GPC5: variants seen among roughly 807,000 people sequenced by gnomAD.
The protein encoded by GPC5 is glypican-5.
GPC5 carries 47 observed loss-of-function variants against 53.9 expected under a neutral mutation model. The observed-to-expected ratio is 0.87, with a 90% CI of 0.69 to 1.11. GPC5 has a LOEUF of 1.11. GPC5 is among the 50% of genes most tolerant of loss of function. The probability of loss-of-function intolerance (pLI) is 0.00; values close to 1 mark genes in which losing one functional copy is unlikely to be tolerated. For missense variants in GPC5, 748 were observed against 713.1 expected (o/e 1.05, Z -0.56); for synonymous variants, 286 against 263.3 (o/e 1.09, Z -0.84).
intron 5 of GPC5, among the ~76,000 whole-genome samples, chr13:91,816,634 G>A (rs1481106969): frequency 6.6e-6 from 1 of 152,060 alleles, no homozygotes; most frequent in Non-Finnish European, 1.5e-5. Context: ...AAAAACATCC[G>A]GTGCAGCAGA....
intron 7 of GPC5, among the ~76,000 whole-genome samples, chr13:92,488,098 C>T (rs543779593): frequency 1.3e-5 from 2 of 152,020 alleles, no homozygotes; most frequent in Admixed American, 1.3e-4. Flanking sequence ...AACATACATA[C>T]CCAGATACGT....
chr13:91,728,555 T>G lies in GPC5; in HGVS notation c.1044T>G (p.Pro348=). ...AGGTAAATAGGATTTGTGGCCGCCC[T>G]GTAAGAACACCCACACAAAGCCCCC... is the stretch of plus-strand genomic sequence containing the variant. The part of the protein sequence containing the change: ...LEQVNRICGR[P]VRTPTQSPRC... Residue 348 remains proline (P), a synonymous_variant, in exon 4 of 8, where the codon CCT becomes CCG. Coordinates refer to ENST00000377067, the MANE Select transcript of GPC5 (RefSeq NM_004466.6). 1 of 1,611,950 alleles carries G rather than the reference T, an allele frequency of 6.2e-7. No individual in the cohort carries two copies.
At chr13:92,033,118 G>A (rs1173701958) in intron 6 of GPC5, among the ~76,000 whole-genome samples, 1 of 149,070 alleles carries the variant, frequency 6.7e-6, no homozygotes, top group Non-Finnish European at 1.5e-5. Flanking sequence ...GCACTTTTTA[G>A]GAATGATGTA....
chr13:92,392,268 T>G (rs1186481960), intron 7 of GPC5, among the ~76,000 whole-genome samples: 1 of 152,142 alleles, frequency 6.6e-6, no homozygotes. Flanking sequence ...GTCTATAGTT[T>G]GATGATATAA....
At chr13:92,322,352 T>C (rs570664045) in intron 7 of GPC5, among the ~76,000 whole-genome samples, 3 of 146,806 alleles carry the variant, frequency 2.0e-5, no homozygotes, top group South Asian at 4.2e-4. Context: ...GAAAAAAAAA[T>C]AAAGGCAAAT....
At chr13:92,547,098 C>A (rs1288192557) in intron 7 of GPC5, among the ~76,000 whole-genome samples, 1 of 152,030 alleles carries the variant, frequency 6.6e-6, no homozygotes, top group Non-Finnish European at 1.5e-5. Flanking sequence ...GATATCTTTG[C>A]ATTATGATTC....
chr13:92,583,214 A>C (rs1215020091), intron 7 of GPC5, among the ~76,000 whole-genome samples: 1 of 152,186 alleles, frequency 6.6e-6, no homozygotes, highest in Admixed American at 6.5e-5. Context: ...AAATTTTGTC[A>C]AACACATTTT....
chr13:92,456,721 C>T (rs1050285844), intron 7 of GPC5, among the ~76,000 whole-genome samples: 4 of 152,272 alleles, frequency 2.6e-5, no homozygotes, highest in African/African-American at 9.6e-5. Flanking sequence ...TTGTCCTCCA[C>T]TCTTGAAAAT....
At chr13:92,775,286 T>A (rs1175638823) in intron 7 of GPC5, among the ~76,000 whole-genome samples, 1 of 152,158 alleles carries the variant, frequency 6.6e-6, no homozygotes, top group African/African-American at 2.4e-5. Context: ...TTTCCTCAAA[T>A]AACAAAGAGG....
At chr13:92,598,920 T>C (rs1008413761) in intron 7 of GPC5, among the ~76,000 whole-genome samples, 2 of 152,176 alleles carry the variant, frequency 1.3e-5, no homozygotes, top group African/African-American at 2.4e-5. Context: ...TGTGTGAGAC[T>C]GTCTGAAACA....
At chr13:91,913,988 T>A (rs1034303586) in intron 6 of GPC5, among the ~76,000 whole-genome samples, 1 of 152,204 alleles carries the variant, frequency 6.6e-6, no homozygotes, top group African/African-American at 2.4e-5. Context: ...GATCTTAGTA[T>A]ATCTGATTGA....
chr13:92,767,962 G>A (rs1414043572), intron 7 of GPC5, among the ~76,000 whole-genome samples: 5 of 152,092 alleles, frequency 3.3e-5, no homozygotes, highest in Non-Finnish European at 5.9e-5. Context: ...CCAAAATTGT[G>A]CCTGACTAGA....
chr13:92,049,696 C>T (rs967287960), intron 6 of GPC5, among the ~76,000 whole-genome samples: 6 of 151,980 alleles, frequency 3.9e-5, no homozygotes, highest in Non-Finnish European at 7.4e-5. Context: ...TGTCTCTGCG[C>T]CTATTGAATA....
At chr13:92,626,448 G>T (rs1212033149) in intron 7 of GPC5, among the ~76,000 whole-genome samples, 1 of 152,142 alleles carries the variant, frequency 6.6e-6, no homozygotes, top group Non-Finnish European at 1.5e-5. Context: ...TTTTAAATGT[G>T]GAGGGAATAT....
intron 1 of GPC5, among the ~76,000 whole-genome samples, chr13:91,410,428 C>T (rs1877645800): frequency 6.7e-6 from 1 of 150,112 alleles, no homozygotes; most frequent in East Asian, 2.0e-4. Flanking sequence ...TCACTGCAAG[C>T]TCCGCCTGCC....
rs1343268654 is a variant in GPC5, at chr13:92,387,699, A to G, written c.1561+242710A>G. ...AGTGATTCTTAATTAAGCAAGTGGC[A>G]CTGGAATCAGATTTTATGGGTGTGA... On this transcript the variant is annotated intron_variant, in intron 7 of 7. Coordinates refer to ENST00000377067, the MANE Select transcript of GPC5 (RefSeq NM_004466.6). Among the ~76,000 whole-genome samples the G allele has an allele frequency of 2.0e-5, 3 of 152,182 alleles. No homozygotes were observed. In the East Asian group the frequency reaches 5.8e-4, roughly 29 times the overall value.
chr13:91,648,577 A>T (rs1348880196), intron 2 of GPC5, among the ~76,000 whole-genome samples: 1 of 152,150 alleles, frequency 6.6e-6, no homozygotes, highest in African/African-American at 2.4e-5. Context: ...AAAAAGTAGA[A>T]AGTATAGGCT....
intron 7 of GPC5, among the ~76,000 whole-genome samples, chr13:92,745,941 G>A (rs988078803): frequency 2.6e-5 from 4 of 151,918 alleles, no homozygotes; most frequent in African/African-American, 4.8e-5. Context: ...TTGTATTATC[G>A]ATAAATTTGA....
chr13:92,308,053 G>A (rs2043122385), intron 7 of GPC5, among the ~76,000 whole-genome samples: 1 of 152,084 alleles, frequency 6.6e-6, no homozygotes, highest in Non-Finnish European at 1.5e-5. Context: ...CATTTTCAAG[G>A]TAATCATTAT....
Sources: gnomAD v4.1 joint callset for allele counts (sites outside exome capture counted in the v4.1 genomes callset) on GRCh38, gnomAD v4.1.1 for gene constraint, MANE v1.5 for transcripts, NCBI Gene and HGNC (gene_info 2026-07-23, HGNC 2026-07-21) for gene names.